The following COMMD10 variants were observed in gnomAD, a reference collection of about 807,000 sequenced individuals.
COMMD10 encodes the protein COMM domain-containing protein 10.
COMMD10 carries 33 observed loss-of-function variants against 28.9 expected under a neutral mutation model. That is an observed-to-expected ratio of 1.14 (90% CI 0.87 to 1.53). COMMD10 has a LOEUF of 1.53. COMMD10 is among the 40% of genes most tolerant of loss of function. The pLI, the probability that COMMD10 is intolerant of heterozygous loss-of-function variation, is 0.00. For synonymous variants in COMMD10, 110 were observed against 81.7 expected (o/e 1.35, Z -1.87); for missense variants, 310 against 233.4 (o/e 1.33, Z -2.14).
At chr5:116,104,219 T>C (rs1419148388) in intron 4 of COMMD10, among the ~76,000 whole-genome samples, 1 of 152,238 alleles carries the variant, frequency 6.6e-6, no homozygotes, top group Admixed American at 6.5e-5. Flanking sequence ...TAGCATTGAA[T>C]CTATAAATTA....
intron 5 of COMMD10, among the ~76,000 whole-genome samples, chr5:116,281,367 T>G (rs992304389): frequency 6.6e-6 from 1 of 151,732 alleles, no homozygotes; most frequent in Non-Finnish European, 1.5e-5. Context: ...TAGGTACTCA[T>G]AGATAGGATT....
chr5:116,192,722 A>G (rs1748402596), intron 5 of COMMD10, among the ~76,000 whole-genome samples: 1 of 152,226 alleles, frequency 6.6e-6, no homozygotes, highest in African/African-American at 2.4e-5. Flanking sequence ...AGAGATTTCT[A>G]CAAGCTTGGA....
rs749356491 is a variant in COMMD10, at chr5:116,209,904, C to A, written c.510+75726C>A. Among the ~76,000 whole-genome samples the A allele has an allele frequency of 5.9e-5, 9 of 152,156 alleles. No individual in the cohort carries two copies. The East Asian group carries it at 1.5e-3, about 26-fold the overall frequency. Reference sequence around the variant, plus strand: ...TCTTTATTCTGGTGCAATAATAATACTACACACTGGGTAAATTGTAAAGAA... The same window carrying A: ...TCTTTATTCTGGTGCAATAATAATAATACACACTGGGTAAATTGTAAAGAA... On this transcript the variant is annotated intron_variant, in intron 5 of 6. Coordinates refer to ENST00000274458, the MANE Select transcript of COMMD10 (RefSeq NM_016144.4).
chr5:116,151,334 T>TCTC (rs1752520363), intron 5 of COMMD10, among the ~76,000 whole-genome samples: 1 of 152,032 alleles, frequency 6.6e-6, no homozygotes, highest in South Asian at 2.1e-4. Flanking sequence ...TTTGGTTGTG[T>TCTC]CTCTGCCCAG....
chr5:116,196,929 T>C (rs980707959), intron 5 of COMMD10, among the ~76,000 whole-genome samples: 16 of 152,168 alleles, frequency 1.1e-4, no homozygotes, highest in African/African-American at 3.9e-4. Context: ...TAAATTAAGC[T>C]TAGGAGCATT....
chr5:116,171,989 C>T (rs527366926), intron 5 of COMMD10, among the ~76,000 whole-genome samples: 20 of 151,770 alleles, frequency 1.3e-4, no homozygotes, highest in African/African-American at 3.1e-4. Context: ...AAAATCTGTC[C>T]GTTGTTTTGT....
intron 5 of COMMD10, among the ~76,000 whole-genome samples, chr5:116,161,480 A>G (rs776165559): frequency 7.2e-5 from 11 of 152,170 alleles, no homozygotes; most frequent in African/African-American, 2.7e-4. Flanking sequence ...CTGTGCAGTG[A>G]CAAATCAGCA....
intron 2 of COMMD10, among the ~76,000 whole-genome samples, chr5:116,088,010 T>G (rs981058567): frequency 3.9e-5 from 6 of 152,220 alleles, no homozygotes; most frequent in African/African-American, 1.4e-4. Flanking sequence ...CAACTGGTAT[T>G]TAATCTTTCA....
intron 5 of COMMD10, among the ~76,000 whole-genome samples, chr5:116,271,089 T>C (rs1406088898): frequency 6.6e-6 from 1 of 151,310 alleles, no homozygotes; most frequent in Non-Finnish European, 1.5e-5. Context: ...CCTTAAAGGC[T>C]TGGGAGAAAA....
intron 5 of COMMD10, among the ~76,000 whole-genome samples, chr5:116,196,933 G>A (rs1748538869): frequency 6.6e-6 from 1 of 152,028 alleles, no homozygotes; most frequent in South Asian, 2.1e-4. Flanking sequence ...TTAAGCTTAG[G>A]AGCATTTCTG....
intron 5 of COMMD10, among the ~76,000 whole-genome samples, chr5:116,235,585 A>G (rs1482713983): frequency 6.6e-6 from 1 of 152,182 alleles, no homozygotes; most frequent in African/African-American, 2.4e-5. Context: ...GGTCTGAATT[A>G]TCTGTTTGCT....
chr5:116,110,691 G>C (rs1751014229), intron 4 of COMMD10, among the ~76,000 whole-genome samples: 2 of 152,138 alleles, frequency 1.3e-5, no homozygotes, highest in South Asian at 2.1e-4. Context: ...TCTGCAGGCT[G>C]TACTGGAAGC....
intron 5 of COMMD10, among the ~76,000 whole-genome samples, chr5:116,239,365 A>G (rs1462046886): frequency 6.6e-6 from 1 of 152,170 alleles, no homozygotes; most frequent in Non-Finnish European, 1.5e-5. Context: ...AGTTATTAGA[A>G]TTGCCATAAT....
chr5:116,272,266 C>A (rs938392988), intron 5 of COMMD10, among the ~76,000 whole-genome samples: 2 of 151,602 alleles, frequency 1.3e-5, no homozygotes, highest in Non-Finnish European at 2.9e-5. Context: ...TTTTTAAGAT[C>A]AGGAAATAAA....
chr5:116,147,185 C>A, intron 5 of COMMD10, among the ~76,000 whole-genome samples: 1 of 129,556 alleles, frequency 7.7e-6, no homozygotes, highest in African/African-American at 3.7e-5. Flanking sequence ...GACAGCTGTT[C>A]GGTTAGTGCA....
intron 4 of COMMD10, among the ~76,000 whole-genome samples, chr5:116,125,846 C>G (rs1751611961): frequency 6.6e-6 from 1 of 152,100 alleles, no homozygotes; most frequent in South Asian, 2.1e-4. Flanking sequence ...AAACTGGAAG[C>G]ATTCTCTTTG....
chr5:116,187,512 CCTAT>C (rs1748179382), intron 5 of COMMD10, among the ~76,000 whole-genome samples: 1 of 151,890 alleles, frequency 6.6e-6, no homozygotes, highest in South Asian at 2.1e-4. Context: ...AATTCAGCAA[CCTAT>C]CTATATATGG....
chr5:116,180,796 G>A (rs573175465), intron 5 of COMMD10, among the ~76,000 whole-genome samples: 50 of 152,104 alleles, frequency 3.3e-4, no homozygotes, highest in African/African-American at 1.0e-3. Context: ...AGCTATTGAC[G>A]ACATTTTAAT....
chr5:116,160,383 G>C (rs1752877335), intron 5 of COMMD10, among the ~76,000 whole-genome samples: 1 of 152,068 alleles, frequency 6.6e-6, no homozygotes, highest in Non-Finnish European at 1.5e-5. Context: ...ATTGTATTCT[G>C]ACCTTCTCAT....
Sources: allele counts gnomAD v4.1 joint callset (sites outside exome capture counted in the v4.1 genomes callset), GRCh38; gene constraint gnomAD v4.1.1; transcripts MANE v1.5; gene names NCBI Gene and HGNC (gene_info 2026-07-23, HGNC 2026-07-21).